The following GLDC variants were observed in gnomAD, a reference collection of about 807,000 sequenced individuals.
GLDC encodes glycine dehydrogenase (decarboxylating), mitochondrial.
A neutral mutation model predicts 121.3 loss-of-function variants in GLDC; 104 were observed. That is an observed-to-expected ratio of 0.86 (90% confidence interval 0.73 to 1.01). The LOEUF (loss-of-function observed/expected upper bound fraction) is 1.01, where lower values mean the gene tolerates loss of function less well. Ranked by LOEUF, GLDC falls within the 50% of genes least tolerant of loss-of-function variation. The pLI is 0.00. For synonymous variants in GLDC, 546 were observed against 480.6 expected, an observed-to-expected ratio of 1.14 and a Z score of -1.78; for missense variants, 1,429 against 1,306.6, an observed-to-expected ratio of 1.09 and a Z score of -1.44.
At chr9:6,584,443 T>C (rs771646645) in intron 15 of GLDC, among the ~76,000 whole-genome samples, 12 of 152,216 alleles carry the variant, frequency 7.9e-5, no homozygotes, top group African/African-American at 1.2e-4. Context: ...TTAGCCAATA[T>C]GTAAGCCCTG....
At chr9:6,544,517 A>G (rs1196449754) in intron 21 of GLDC, among the ~76,000 whole-genome samples, 1 of 151,942 alleles carries the variant, frequency 6.6e-6, no homozygotes. Flanking sequence ...AGTGGCGGGC[A>G]CCTGTAATCA....
Position 6,533,163 on chromosome 9 carries a change from G to A in GLDC, c.2920-3C>T. Reference sequence around the variant, plus strand: ...TTGTTCTCTGGTTTCACGAAGGGCTGCAAAGGACAAAAGATGGAAATGCTG... The same window carrying A: ...TTGTTCTCTGGTTTCACGAAGGGCTACAAAGGACAAAAGATGGAAATGCTG... On this transcript the variant is annotated splice_region_variant and splice_polypyrimidine_tract_variant and intron_variant, in intron 24 of 24. Transcript: ENST00000321612. 1.2e-6 allele frequency: 2 copies of A among 1,613,224 alleles called. No individual in the cohort carries two copies. Among genetic ancestry groups the A allele is most frequent in the Non-Finnish European group, 1.7e-6 (2 of 1,179,218 alleles).
chr9:6,534,910 C>G, intron 23 of GLDC, 122 bp from the exon 24 acceptor site: 1 of 699,548 alleles, frequency 1.4e-6, no homozygotes, highest in African/African-American at 1.8e-5. Context: ...TGTTTTCTTT[C>G]AATTTAGGGG....
In GLDC at chr9:6,533,020, A is replaced by G. The variant is rs1817033457; in HGVS notation, c.3060T>C (p.Ser1020=). ...SPFSEQKRAS[S] is the part of the protein sequence containing the mutation. ...CTTTAAACTTAGGGACAGAGGACTA[A>G]GAAGACGCCCTCTTTTGTTCAGAAA... Residue 1020 remains serine, a synonymous_variant, in exon 25 of 25, where the codon TCT becomes TCC. Transcript: ENST00000321612. 6.2e-7 allele frequency: 1 copy of G among 1,607,726 alleles called. No individual in the cohort carries two copies. The highest frequency in any genetic ancestry group is 2.2e-5 in the East Asian group (1 of 44,842).
chr9:6,533,553 A>G (rs2129642049), intron 24 of GLDC, among the ~76,000 whole-genome samples: 1 of 152,004 alleles, frequency 6.6e-6, no homozygotes, highest in Non-Finnish European at 1.5e-5. Context: ...CATACAATTC[A>G]GTTGATTTAA....
intron 23 of GLDC, among the ~76,000 whole-genome samples, chr9:6,535,286 C>G (rs1182820095): frequency 1.3e-5 from 2 of 151,556 alleles, no homozygotes; most frequent in Non-Finnish European, 2.9e-5. Context: ...AAAAAAATAG[C>G]CTAAATCCTG....
intron 4 of GLDC, among the ~76,000 whole-genome samples, chr9:6,607,573 C>G (rs1372136618): frequency 6.6e-6 from 1 of 152,066 alleles, no homozygotes; most frequent in Non-Finnish European, 1.5e-5. Flanking sequence ...CAGAGCGAGA[C>G]TCTGTCTTAA....
At chr9:6,538,509 T>C (rs1303528923) in intron 22 of GLDC, among the ~76,000 whole-genome samples, 3 of 152,252 alleles carry the variant, frequency 2.0e-5, no homozygotes, top group South Asian at 2.1e-4. Flanking sequence ...TCATGTTCAT[T>C]GTTTTTCGAC....
intron 21 of GLDC, 128 bp from the exon 22 acceptor site, chr9:6,540,274 T>C (rs1817227663): frequency 1.4e-6 from 1 of 719,918 alleles, no homozygotes; most frequent in Non-Finnish European, 2.5e-6. Context: ...CAAGAAGCCA[T>C]GGGCACCGGG....
chr9:6,579,043 T>A (rs1025371401), intron 15 of GLDC, among the ~76,000 whole-genome samples: 2 of 152,224 alleles, frequency 1.3e-5, no homozygotes, highest in Admixed American at 6.5e-5. Flanking sequence ...TCTATGTTTT[T>A]AAATTTGTTG....
At chr9:6,534,869 T>C in intron 23 of GLDC, 81 bp from the exon 24 acceptor site, 1 of 776,314 alleles carries the variant, frequency 1.3e-6, no homozygotes, top group Non-Finnish European at 2.3e-6. Context: ...ACCGTCAATC[T>C]TCTGACAGGA....
chr9:6,574,889 G>A (rs1018489072), intron 15 of GLDC, among the ~76,000 whole-genome samples: 1 of 151,960 alleles, frequency 6.6e-6, no homozygotes, highest in Non-Finnish European at 1.5e-5. Context: ...GCAAATAGTG[G>A]GCTTTTGACC....
chr9:6,626,470 A>T (rs1819240393), intron 2 of GLDC, among the ~76,000 whole-genome samples: 1 of 152,186 alleles, frequency 6.6e-6, no homozygotes, highest in African/African-American at 2.4e-5. Flanking sequence ...CACTTGACAG[A>T]AGAAGAAACA....
chr9:6,539,626 C>T (rs1281430378), intron 22 of GLDC, among the ~76,000 whole-genome samples: 2 of 152,164 alleles, frequency 1.3e-5, no homozygotes, highest in South Asian at 2.1e-4. Context: ...AAGAAAGTTG[C>T]ATTTTCTTTG....
At chr9:6,557,838 T>C (rs1258032588) in intron 17 of GLDC, 1 of 154,322 alleles carries the variant, frequency 6.5e-6, no homozygotes, top group African/African-American at 2.4e-5. Flanking sequence ...GACTTAATAA[T>C]TTCAACTACT....
intron 20 of GLDC, among the ~76,000 whole-genome samples, chr9:6,551,648 C>T (rs777274626): frequency 3.0e-4 from 46 of 151,970 alleles, no homozygotes; most frequent in Non-Finnish European, 5.0e-4. Flanking sequence ...CCAGGCTGGT[C>T]AAAGAAGGGT....
At chr9:6,565,736 A>G in intron 15 of GLDC, 2 of 575,364 alleles carry the variant, frequency 3.5e-6, no homozygotes, top group Non-Finnish European at 6.2e-6. Context: ...AAAAATTTCA[A>G]AACTATACCA....
chr9:6,606,106 G>T (rs994451585), intron 5 of GLDC: 1 of 171,900 alleles, frequency 5.8e-6, no homozygotes, highest in Non-Finnish European at 1.2e-5. Flanking sequence ...AGGAGATCAA[G>T]ACCATCCTGG....
intron 24 of GLDC, 75 bp downstream of exon 24, chr9:6,534,633 T>G: frequency 2.6e-6 from 2 of 780,086 alleles, no homozygotes; most frequent in South Asian, 2.8e-5. Flanking sequence ...ATCATGAGGC[T>G]AAGAGCGTAC....
Sources: allele counts gnomAD v4.1 joint callset (sites outside exome capture counted in the v4.1 genomes callset), GRCh38; gene constraint gnomAD v4.1.1; transcripts MANE v1.5; gene names NCBI Gene and HGNC (gene_info 2026-07-23, HGNC 2026-07-21).